The following REV3L variants were observed in gnomAD, a reference collection of about 807,000 sequenced individuals.
REV3L encodes DNA polymerase zeta catalytic subunit.
In REV3L, 69 loss-of-function variants were observed where a neutral mutation model predicts 299.4. The observed-to-expected ratio is 0.23, with a 90% CI of 0.19 to 0.28. REV3L has a LOEUF of 0.28. Ranked by LOEUF, REV3L falls within the 10% of genes least tolerant of loss-of-function variation. The pLI, the probability that REV3L is intolerant of heterozygous loss-of-function variation, is 1.00. For synonymous variants in REV3L, 1,238 were observed against 1,271.4 expected, an observed-to-expected ratio of 0.97 and a Z score of 0.56; for missense variants, 3,128 against 3,693.8, an observed-to-expected ratio of 0.85 and a Z score of 3.97.
At chr6:111,351,608 A>T in intron 19 of REV3L, 68 bp downstream of exon 19, 2 of 1,259,626 alleles carry the variant, frequency 1.6e-6, no homozygotes, top group Admixed American at 3.9e-5. Flanking sequence ...ACTCTTTAAC[A>T]TTCTGTCTTT....
chr6:111,430,870 A>C (rs1786827607), intron 1 of REV3L: 2 of 1,604,880 alleles, frequency 1.2e-6, no homozygotes, highest in Non-Finnish European at 1.7e-6. Context: ...ACGGAACAAC[A>C]ATGTTGGGAC....
intron 14 of REV3L, among the ~76,000 whole-genome samples, chr6:111,366,486 G>A (rs1779225283): frequency 6.6e-6 from 1 of 151,986 alleles, no homozygotes; most frequent in Non-Finnish European, 1.5e-5. Context: ...AAATCAAGTG[G>A]GAAAAAAACA....
intron 2 of REV3L, among the ~76,000 whole-genome samples, chr6:111,412,635 A>T (rs1401960158): frequency 1.3e-5 from 2 of 151,912 alleles, no homozygotes; most frequent in Non-Finnish European, 2.9e-5. Context: ...ATAGGACATC[A>T]CCTCTCTGTG....
chr6:111,405,827 C>G (rs1351839888), intron 3 of REV3L, among the ~76,000 whole-genome samples, 197 bp from the exon 4 acceptor site: 1 of 151,820 alleles, frequency 6.6e-6, no homozygotes, highest in African/African-American at 2.4e-5. Context: ...TTCTGAATAA[C>G]AAAAAACTGC....
Position 111,358,859 on chromosome 6 carries a change from T to C in REV3L, c.7035A>G (p.Val2345=), listed in dbSNP as rs1217650092. ...CTGTCTTGTCTTTATCAATCACTAT[T>C]ACACCTGTGAGTTCTGTTTTTTCTG... The part of the protein sequence containing the change: ...PDTEKTELTG[V]IVIDKDKTVF... The change falls in exon 17 of 32, where the codon GTA becomes GTG. Residue 2345 remains valine, a synonymous_variant. Coordinates refer to ENST00000368802, the MANE Select transcript of REV3L (RefSeq NM_001372078.1). 3 of 1,613,942 alleles carry C rather than the reference T, an allele frequency of 1.9e-6. No individual in the cohort carries two copies.
intron 1 of REV3L, among the ~76,000 whole-genome samples, chr6:111,478,279 T>G (rs1793182047): frequency 6.6e-6 from 1 of 152,182 alleles, no homozygotes; most frequent in African/African-American, 2.4e-5. Context: ...TGCATTTGAC[T>G]TACGTTTACA....
At chr6:111,412,324 G>A (rs1268611206) in intron 2 of REV3L, 1 of 919,238 alleles carries the variant, frequency 1.1e-6, no homozygotes, top group Non-Finnish European at 1.3e-6. Flanking sequence ...GAAGCAAAAG[G>A]CTATATAACA....
At chr6:111,456,363 A>G (rs959158828) in intron 1 of REV3L, among the ~76,000 whole-genome samples, 2 of 152,214 alleles carry the variant, frequency 1.3e-5, no homozygotes, top group African/African-American at 4.8e-5. Context: ...CACACTAAAC[A>G]AGAAACTGTC....
chr6:111,385,211 A>G (rs1009749300), intron 9 of REV3L, among the ~76,000 whole-genome samples: 2 of 152,146 alleles, frequency 1.3e-5, no homozygotes, highest in Non-Finnish European at 2.9e-5. Context: ...GACTACAGTC[A>G]ACAATAATCT....
intron 21 of REV3L, among the ~76,000 whole-genome samples, 186 bp from the exon 22 acceptor site, chr6:111,335,796 G>A (rs1267408362): frequency 3.9e-5 from 6 of 152,098 alleles, no homozygotes. Context: ...TATTTCAAGG[G>A]CATGAAAACC....
At chr6:111,322,121 G>T (rs1774255345) in intron 26 of REV3L, among the ~76,000 whole-genome samples, 1 of 152,166 alleles carries the variant, frequency 6.6e-6, no homozygotes, top group Non-Finnish European at 1.5e-5. Context: ...ACTTCTCTTA[G>T]AAGGTCAACA....
At chr6:111,313,531 C>A in intron 27 of REV3L, 42 bp from the exon 28 acceptor site, 1 of 1,552,196 alleles carries the variant, frequency 6.4e-7, no homozygotes, top group East Asian at 2.3e-5. Flanking sequence ...AACCATTTCC[C>A]CCCACCAAGA....
intron 1 of REV3L, among the ~76,000 whole-genome samples, chr6:111,427,998 G>C (rs540880450): frequency 1.3e-5 from 2 of 151,108 alleles, no homozygotes; most frequent in African/African-American, 4.9e-5. Flanking sequence ...CTGAAAAGGA[G>C]GCAGCAACCT....
At chr6:111,403,331 A>C (rs969956283) in intron 4 of REV3L, among the ~76,000 whole-genome samples, 3 of 152,190 alleles carry the variant, frequency 2.0e-5, no homozygotes, top group African/African-American at 7.2e-5. Flanking sequence ...ATAACTCCAA[A>C]TACAGGAATA....
chr6:111,385,853 C>G (rs923167650), intron 9 of REV3L, among the ~76,000 whole-genome samples: 1 of 152,048 alleles, frequency 6.6e-6, no homozygotes, highest in Non-Finnish European at 1.5e-5. Context: ...TAAAGATGCT[C>G]AAATTCATTA....
At chr6:111,392,831 T>C in intron 5 of REV3L, 45 bp downstream of exon 5, 1 of 1,211,228 alleles carries the variant, frequency 8.3e-7, no homozygotes, top group South Asian at 1.2e-5. Flanking sequence ...TGATCACAAC[T>C]AGGATATATG....
chr6:111,396,878 C>A (rs1782568677), intron 4 of REV3L, among the ~76,000 whole-genome samples: 1 of 152,030 alleles, frequency 6.6e-6, no homozygotes, highest in Non-Finnish European at 1.5e-5. Flanking sequence ...GTAATGCGTC[C>A]AAAAATGTAC....
At position 111,370,122 on chromosome 6, in the gene REV3L, T is replaced by C. The variant is rs192158938; in HGVS notation, c.5760-2094A>G. ...CTGGGATTACAGGCGTGAGCCACCG[T>C]GCCCGGCCTACAGTTTCATATTTCA... On this transcript the variant is annotated intron_variant, in intron 13 of 31. Coordinates refer to ENST00000368802, the MANE Select transcript of REV3L (RefSeq NM_001372078.1). Among the ~76,000 whole-genome samples the C allele has an allele frequency of 7.1e-3, 1,078 of 152,274 alleles. 13 individuals carry two copies. Among genetic ancestry groups the C allele is most frequent in the African/African-American group, 0.022 (917 of 41,552 alleles).
At position 111,363,454 on chromosome 6, in the gene REV3L, C is replaced by T. The variant is rs17539791; in HGVS notation, c.6879+399G>A. 4.1e-3 allele frequency among the ~76,000 whole-genome samples: 623 copies of T among 152,072 alleles called. 2 individuals carry two copies. The highest frequency in any genetic ancestry group is 0.011 in the African/African-American group (445 of 41,504). On this transcript the variant is annotated intron_variant, in intron 16 of 31. Coordinates refer to ENST00000368802, the MANE Select transcript of REV3L (RefSeq NM_001372078.1). ...CCAAGTAGCTGAGACTATAGGTGCGCGCCACCATGCTCATCTAATTTTATT... is the reference window on the plus strand; with the variant it reads ...CCAAGTAGCTGAGACTATAGGTGCGTGCCACCATGCTCATCTAATTTTATT...
Sources: gnomAD v4.1 joint callset for allele counts (sites outside exome capture counted in the v4.1 genomes callset) on GRCh38, gnomAD v4.1.1 for gene constraint, MANE v1.5 for transcripts, NCBI Gene and HGNC (gene_info 2026-07-23, HGNC 2026-07-21) for gene names.